UBA2: variants seen among roughly 807,000 people sequenced by gnomAD.
The protein encoded by UBA2 is SUMO-activating enzyme subunit 2.
Under a neutral mutation model 77.2 loss-of-function variants are expected in UBA2, and 11 were observed. The observed-to-expected ratio is 0.14, with a 90% CI of 0.09 to 0.24. UBA2 has a LOEUF of 0.24. UBA2 is among the 10% of genes least tolerant of loss of function. UBA2 has a pLI of 1.00. For missense variants in UBA2, 487 were observed against 781.7 expected (o/e 0.62, Z 4.50); for synonymous variants, 278 against 276.7 (o/e 1.00, Z -0.05).
chr19:34,445,033 C>T lies in UBA2; in HGVS notation c.683C>T (p.Ala228Val). Residue 228 changes from alanine (A) to valine (V), a missense_variant, in exon 8 of 17, where the codon GCA (alanine) becomes GTA (valine). Physicochemically the swap from Ala to Val is moderately conservative, Grantham distance 64. Coordinates refer to ENST00000246548, the MANE Select transcript of UBA2 (RefSeq NM_005499.3). Reference protein sequence around the residue: ...EPTEAEARARASNEDGDIKRI... With the variant: ...EPTEAEARARVSNEDGDIKRI... ...ACGGAAGCCGAAGCCAGAGCTAGAG[C>T]ATCTAATGAAGATGGTGACATTAAA... 6.2e-7 allele frequency: 1 copy of T among 1,613,706 alleles called. No homozygotes were observed.
intron 5 of UBA2, among the ~76,000 whole-genome samples, chr19:34,436,646 A>T (rs747633028): frequency 6.6e-6 from 1 of 152,114 alleles, no homozygotes; most frequent in Admixed American, 6.5e-5. Context: ...TGCTATTCAG[A>T]TATTTTTTCT....
chr19:34,430,458 C>T (rs1446461246), intron 1 of UBA2, 118 bp from the exon 2 acceptor site: 1 of 589,296 alleles, frequency 1.7e-6, no homozygotes, highest in Non-Finnish European at 2.9e-6. Context: ...ATTCGAAAAA[C>T]GCTTTCTCCA....
chr19:34,464,650 A>G (rs547183318), intron 15 of UBA2, among the ~76,000 whole-genome samples: 3 of 152,294 alleles, frequency 2.0e-5, no homozygotes, highest in African/African-American at 4.8e-5. Context: ...AGAAAGACCT[A>G]GAGTCCAGGT....
chr19:34,433,592 C>T (rs182372775), intron 4 of UBA2, among the ~76,000 whole-genome samples, 180 bp downstream of exon 4: 4 of 152,126 alleles, frequency 2.6e-5, no homozygotes, highest in Non-Finnish European at 4.4e-5. Context: ...TTATTCCAGG[C>T]GGGAATTTAG....
At chr19:34,468,026 G>A (rs1030216) in intron 16 of UBA2, among the ~76,000 whole-genome samples, 124,871 of 152,082 alleles carry the variant, frequency 0.82, 51,486 homozygotes, top group Non-Finnish European at 0.86. Flanking sequence ...CTTGTCACCA[G>A]TATGACTTGG....
At chr19:34,435,004 A>G in intron 5 of UBA2, 36 bp downstream of exon 5, 1 of 1,405,880 alleles carries the variant, frequency 7.1e-7, no homozygotes. Flanking sequence ...CTTCCCAAAT[A>G]TTTATTTGAG....
intron 10 of UBA2, 109 bp from the exon 11 acceptor site, chr19:34,454,150 TA>T (rs1440178873): frequency 7.1e-6 from 7 of 980,792 alleles, no homozygotes; most frequent in Non-Finnish European, 9.2e-6. Flanking sequence ...CCTCTTGTTC[TA>T]GTCGAAAGTC....
intron 12 of UBA2, among the ~76,000 whole-genome samples, chr19:34,455,462 C>G (rs994262453): frequency 6.6e-6 from 1 of 152,132 alleles, no homozygotes; most frequent in Non-Finnish European, 1.5e-5. Flanking sequence ...GTTGTGTCTG[C>G]AGACACTTCG....
At chr19:34,465,637 G>GA (rs11369547) in intron 15 of UBA2, among the ~76,000 whole-genome samples, 114,425 of 139,756 alleles carry the variant, frequency 0.82, 46,617 homozygotes, top group Non-Finnish European at 0.86. Context: ...CTCCATGTCA[G>GA]AAAAAAAAAA....
intron 14 of UBA2, 98 bp downstream of exon 14, chr19:34,460,664 CAG>C (rs2075621242): frequency 1.2e-6 from 1 of 814,320 alleles, no homozygotes; most frequent in African/African-American, 1.8e-5. Flanking sequence ...CTCAGTATTG[CAG>C]AGAGTGGCAG....
chr19:34,456,863 C>T (rs369372775), intron 12 of UBA2, among the ~76,000 whole-genome samples: 39 of 152,026 alleles, frequency 2.6e-4, no homozygotes, highest in Middle Eastern at 3.4e-3. Context: ...TGGCCGATAC[C>T]CAGTTTTTAA....
At chr19:34,431,254 T>C (rs2075251389) in intron 2 of UBA2, among the ~76,000 whole-genome samples, 1 of 136,030 alleles carries the variant, frequency 7.4e-6, no homozygotes. Flanking sequence ...CTTTTTTTTT[T>C]TTTTTTTTTT....
intron 4 of UBA2, among the ~76,000 whole-genome samples, chr19:34,434,630 A>G (rs2075290270): frequency 6.6e-6 from 1 of 152,150 alleles, no homozygotes; most frequent in African/African-American, 2.4e-5. Context: ...TTTTAAGATT[A>G]TGTGTTTCTG....
At chr19:34,428,870 C>T (rs980776454) in intron 1 of UBA2, 12 of 1,064,306 alleles carry the variant, frequency 1.1e-5, no homozygotes, top group Non-Finnish European at 1.2e-5. Context: ...CTCTTATCCT[C>T]CCTTCAAAAC....
chr19:34,450,669 C>T (rs772384824), intron 9 of UBA2, among the ~76,000 whole-genome samples: 1 of 149,136 alleles, frequency 6.7e-6, no homozygotes, highest in Non-Finnish European at 1.5e-5. Context: ...GTTAACTAGT[C>T]TCTTATTAAC....
intron 6 of UBA2, among the ~76,000 whole-genome samples, chr19:34,441,263 G>A (rs1334335231): frequency 6.6e-6 from 1 of 152,026 alleles, no homozygotes; most frequent in Non-Finnish European, 1.5e-5. Context: ...AGACCATCCT[G>A]GCTAACACGG....
At chr19:34,442,463 G>T (rs1276388441) in intron 6 of UBA2, among the ~76,000 whole-genome samples, 1 of 151,834 alleles carries the variant, frequency 6.6e-6, no homozygotes, top group African/African-American at 2.4e-5. Flanking sequence ...TTGTTTTTTT[G>T]AGATGGAGTT....
In UBA2 at chr19:34,469,609, A is replaced by G. The variant is rs2075719931; in HGVS notation, c.*388A>G. On this transcript the variant is annotated 3_prime_UTR_variant, in exon 17 of 17. Coordinates refer to ENST00000246548, the MANE Select transcript of UBA2 (RefSeq NM_005499.3). Reference sequence around the variant, plus strand: ...CTAGAAGAAGAATTATTTTTAGCCTAGATCTAACCATTTTCATACTCTTAA... The same window carrying G: ...CTAGAAGAAGAATTATTTTTAGCCTGGATCTAACCATTTTCATACTCTTAA... 1 of 153,488 alleles carries G rather than the reference A, an allele frequency of 6.5e-6. No homozygotes were observed. The highest frequency in any genetic ancestry group is 2.4e-5 in the African/African-American group (1 of 41,484). 9.5% of individuals were successfully genotyped at this position (153,488 alleles called of 1,614,324 possible). A position where few individuals can be genotyped will look rare whatever the true frequency, so the allele number is the denominator to read the frequency against.
rs2075601334 is a variant in UBA2, at chr19:34,458,883, C to T, written c.1360C>T (p.Leu454=). 6.2e-7 allele frequency: 1 copy of T among 1,614,052 alleles called. No individual in the cohort carries two copies. Among genetic ancestry groups the T allele is most frequent in the African/African-American group, 1.3e-5 (1 of 75,020 alleles). ...CASKPEVTVR[L]NVHKVTVLTL... is the part of the protein sequence containing the mutation. The stretch of plus-strand genomic sequence containing the variant: ...CAGCAAGCCAGAGGTGACTGTGCGG[C>T]TGAATGTCCATAAAGTGACTGTTCT... Residue 454 remains leucine, a synonymous_variant, in exon 13 of 17, where the codon CTG becomes TTG. Transcript: ENST00000246548.
Sources: allele counts gnomAD v4.1 joint callset (sites outside exome capture counted in the v4.1 genomes callset), GRCh38; gene constraint gnomAD v4.1.1; transcripts MANE v1.5; gene names NCBI Gene and HGNC (gene_info 2026-07-23, HGNC 2026-07-21).